EPHA7: variants seen among roughly 807,000 people sequenced by gnomAD.
EPHA7 encodes ephrin type-A receptor 7.
In EPHA7, 25 loss-of-function variants were observed where a neutral mutation model predicts 112.6. That is an observed-to-expected ratio of 0.22 (90% CI 0.16 to 0.31). The LOEUF (loss-of-function observed/expected upper bound fraction) is 0.31. Among genes scored for constraint, EPHA7 ranks in the 10% least tolerant of loss-of-function variants. EPHA7 has a pLI of 1.00. For missense variants in EPHA7, 962 were observed against 1,212.6 expected, an observed-to-expected ratio of 0.79 and a Z score of 3.07; for synonymous variants, 437 against 406.5, an observed-to-expected ratio of 1.07 and a Z score of -0.90.
intron 5 of EPHA7, among the ~76,000 whole-genome samples, chr6:93,340,120 A>G (rs1775070073): frequency 6.6e-6 from 1 of 151,878 alleles, no homozygotes; most frequent in Non-Finnish European, 1.5e-5. Context: ...TGTCAATACT[A>G]TATAAACAAA....
intron 5 of EPHA7, among the ~76,000 whole-genome samples, chr6:93,327,540 A>G (rs1281064236): frequency 6.6e-6 from 1 of 151,454 alleles, no homozygotes; most frequent in African/African-American, 2.4e-5. Context: ...GAGTTCCTAA[A>G]CTTCTTCAAA....
chr6:93,264,550 AC>A (rs765172841), intron 8 of EPHA7, 43 bp downstream of exon 8: 2 of 1,276,992 alleles, frequency 1.6e-6, no homozygotes, highest in African/African-American at 1.5e-5. Flanking sequence ...TTCTTAAAAA[AC>A]AATACATTTT....
At chr6:93,310,843 A>G (rs1231540159) in intron 5 of EPHA7, among the ~76,000 whole-genome samples, 1 of 152,160 alleles carries the variant, frequency 6.6e-6, no homozygotes, top group Non-Finnish European at 1.5e-5. Context: ...GTTGATGGCT[A>G]CTGGATGATC....
At chr6:93,304,003 T>C (rs905106888) in intron 5 of EPHA7, among the ~76,000 whole-genome samples, 1 of 152,040 alleles carries the variant, frequency 6.6e-6, no homozygotes, top group Non-Finnish European at 1.5e-5. Flanking sequence ...AGAAAGGTGC[T>C]TTTGCATCTG....
chr6:93,400,881 T>C (rs1327290925), intron 3 of EPHA7, among the ~76,000 whole-genome samples: 2 of 152,132 alleles, frequency 1.3e-5, no homozygotes, highest in African/African-American at 2.4e-5. Context: ...ACTAATGTAA[T>C]AGATTTTTGA....
Position 93,358,327 on chromosome 6 carries a change from CCTT to C in EPHA7, c.914_916del (p.Glu305del). On this transcript the variant is annotated inframe_deletion, in exon 4 of 17. Coordinates refer to ENST00000369303, the MANE Select transcript of EPHA7 (RefSeq NM_004440.4). The stretch of plus-strand genomic sequence containing the variant: ...ATCTTCACATTCACATCTGGAGGAG[CCTT>C]CTTTATCAGAAAAACTGTGAGTTGG... 2 of 1,613,576 alleles carry C rather than the reference CCTT, an allele frequency of 1.2e-6. No individual in the cohort carries two copies. The highest frequency in any genetic ancestry group is 1.7e-6 in the Non-Finnish European group (2 of 1,179,746).
At chr6:93,296,437 ATATAAATAT>A (rs1368257380) in intron 5 of EPHA7, among the ~76,000 whole-genome samples, 1 of 62,078 alleles carries the variant, frequency 1.6e-5, no homozygotes, top group East Asian at 4.3e-4. Context: ...TATATAAAAT[ATATAAATAT>A]ATATATAAAT....
intron 5 of EPHA7, among the ~76,000 whole-genome samples, chr6:93,272,816 A>C (rs551020678): frequency 1.3e-5 from 2 of 152,150 alleles, no homozygotes; most frequent in East Asian, 3.9e-4. Context: ...AAGAAAAAAT[A>C]ATTTAATATG....
chr6:93,355,270 C>CA (rs1205970921), intron 5 of EPHA7, among the ~76,000 whole-genome samples: 3 of 152,060 alleles, frequency 2.0e-5, no homozygotes, highest in Non-Finnish European at 2.9e-5. Flanking sequence ...AGATCTGATT[C>CA]AAACAGCCTT....
Position 93,361,097 on chromosome 6 carries a change from T to A in EPHA7, c.833-2686A>T, listed in dbSNP as rs116891714. ...TAAACAGATATTGTCAATTTCACTA[T>A]GAATTTTGACACTGATGATACCTGC... On this transcript the variant is annotated intron_variant, in intron 3 of 16. Transcript: ENST00000369303. Among the ~76,000 whole-genome samples the A allele has an allele frequency of 1.9e-3, 286 of 152,230 alleles. 8 individuals carry two copies. In the East Asian group the frequency reaches 0.048, roughly 26 times the overall value.
At chr6:93,335,155 A>G (rs1408665511) in intron 5 of EPHA7, among the ~76,000 whole-genome samples, 1 of 152,136 alleles carries the variant, frequency 6.6e-6, no homozygotes, top group African/African-American at 2.4e-5. Flanking sequence ...TAGAGGGTCA[A>G]TTAAGTGTTA....
intron 5 of EPHA7, among the ~76,000 whole-genome samples, chr6:93,288,607 A>G (rs1398312188): frequency 2.0e-5 from 3 of 152,224 alleles, no homozygotes; most frequent in Non-Finnish European, 2.9e-5. Context: ...GACTTTTAGA[A>G]TAAGAAACAA....
At chr6:93,294,674 T>G (rs1188581366) in intron 5 of EPHA7, among the ~76,000 whole-genome samples, 1 of 152,102 alleles carries the variant, frequency 6.6e-6, no homozygotes, top group Non-Finnish European at 1.5e-5. Flanking sequence ...ACAGTTGTAT[T>G]AATTATAACA....
In EPHA7 at chr6:93,259,458, G is replaced by A; in HGVS notation, c.1820C>T (p.Thr607Ile). ...CTCATAGGTTTCAGGGTCAATGTAG[G>A]TTTTGGTGCCTGGAAATTTAACTGT... ...YFHFKFPGTK[T>I]YIDPETYEDP... The change falls in exon 10 of 17, where the codon ACC becomes ATC. Residue 607 changes from threonine to isoleucine, a missense_variant. Around this residue, in one of 3 missense-constraint regions of EPHA7, gnomAD observed 746 missense variants for 889.2 expected, o/e 0.84. Coordinates refer to ENST00000369303, the MANE Select transcript of EPHA7 (RefSeq NM_004440.4). 6.2e-7 allele frequency: 1 copy of A among 1,611,660 alleles called. No homozygotes were observed. Among genetic ancestry groups the A allele is most frequent in the Non-Finnish European group, 8.5e-7 (1 of 1,178,178 alleles).
chr6:93,257,404 A>T, intron 12 of EPHA7, 58 bp downstream of exon 12: 3 of 1,349,346 alleles, frequency 2.2e-6, no homozygotes, highest in Non-Finnish European at 3.1e-6. Flanking sequence ...AAGTTCATAA[A>T]ATTATATTGG....
chr6:93,413,708 T>G (rs1268787718), intron 2 of EPHA7, among the ~76,000 whole-genome samples: 2 of 151,910 alleles, frequency 1.3e-5, no homozygotes, highest in African/African-American at 4.8e-5. Context: ...AAAATTAAAT[T>G]TAATGAAAAC....
chr6:93,251,463 A>G (rs1770206432), intron 14 of EPHA7, among the ~76,000 whole-genome samples: 1 of 151,572 alleles, frequency 6.6e-6, no homozygotes, highest in African/African-American at 2.4e-5. Flanking sequence ...TAAGAAAAAA[A>G]TACTTTCTTA....
intron 5 of EPHA7, among the ~76,000 whole-genome samples, chr6:93,277,313 T>G (rs1771516453): frequency 6.6e-6 from 1 of 152,046 alleles, no homozygotes. Flanking sequence ...AATGAAATAC[T>G]TGGCCATAAT....
intron 3 of EPHA7, among the ~76,000 whole-genome samples, chr6:93,364,826 T>C (rs1283301482): frequency 2.6e-5 from 4 of 152,144 alleles, no homozygotes; most frequent in Admixed American, 6.6e-5. Context: ...AACCTATTTG[T>C]TAATTTAGTA....
Sources: allele counts gnomAD v4.1 joint callset (sites outside exome capture counted in the v4.1 genomes callset), GRCh38; gene constraint gnomAD v4.1.1; regional missense constraint gnomAD v4.1.1; transcripts MANE v1.5; gene names NCBI Gene and HGNC (gene_info 2026-07-23, HGNC 2026-07-21).